Variants in STMND1 observed in about 807,000 individuals in gnomAD.
STMND1 encodes the protein stathmin domain-containing protein 1.
A neutral mutation model predicts 23.0 loss-of-function variants in STMND1; 17 were observed. That is an observed-to-expected ratio of 0.74 (90% CI 0.51 to 1.11). The LOEUF is 1.11. Among genes scored for constraint, STMND1 ranks in the 50% least tolerant of loss-of-function variants. The probability of loss-of-function intolerance (pLI) is 0.00; values close to 1 mark genes in which losing one functional copy is unlikely to be tolerated. For missense variants in STMND1, 305 were observed against 329.1 expected, an observed-to-expected ratio of 0.93 and a Z score of 0.57; for synonymous variants, 114 against 119.9, an observed-to-expected ratio of 0.95 and a Z score of 0.32.
At chr6:17,119,809 A>C (rs1761206361) in intron 2 of STMND1, among the ~76,000 whole-genome samples, 1 of 152,166 alleles carries the variant, frequency 6.6e-6, no homozygotes, top group African/African-American at 2.4e-5. Flanking sequence ...AAGATAGCTC[A>C]TTTCTCAGGA....
chr6:17,110,277 G>A (rs1361489038), intron 1 of STMND1, among the ~76,000 whole-genome samples: 4 of 152,168 alleles, frequency 2.6e-5, no homozygotes, highest in South Asian at 2.1e-4. Flanking sequence ...CTAGCTACTG[G>A]AGAGACCAAG....
intron 2 of STMND1, among the ~76,000 whole-genome samples, chr6:17,119,675 G>A (rs533782870): frequency 2.5e-4 from 37 of 150,568 alleles, no homozygotes; most frequent in African/African-American, 7.6e-4. Context: ...ACTCCAGCCC[G>A]AGTGACAAGA....
At chr6:17,122,481 G>A (rs1013673575) in intron 3 of STMND1, among the ~76,000 whole-genome samples, 1 of 152,104 alleles carries the variant, frequency 6.6e-6, no homozygotes. Flanking sequence ...CAGTCCATTC[G>A]GAATTAAAAA....
chr6:17,103,729 G>T (rs1055156662), intron 1 of STMND1, among the ~76,000 whole-genome samples: 3 of 151,808 alleles, frequency 2.0e-5, no homozygotes, highest in African/African-American at 2.4e-5. Context: ...GCGCCACCAC[G>T]CCCAGCTAAT....
At chr6:17,114,431 A>G (rs935033319) in intron 1 of STMND1, among the ~76,000 whole-genome samples, 1 of 151,820 alleles carries the variant, frequency 6.6e-6, no homozygotes, top group Admixed American at 6.6e-5. Context: ...TGCCTGGCTA[A>G]TTTTTTGTAT....
At chr6:17,113,598 T>C (rs1163898278) in intron 1 of STMND1, among the ~76,000 whole-genome samples, 1 of 152,088 alleles carries the variant, frequency 6.6e-6, no homozygotes, top group Non-Finnish European at 1.5e-5. Context: ...TTCTCTTTTA[T>C]ATTATGTAAT....
At position 17,115,059 on chromosome 6, in the gene STMND1, A is replaced by T. The variant is rs754340093; in HGVS notation, c.179A>T (p.Gln60Leu). Residue 60 changes from glutamine (Q) to leucine (L), a missense_variant, in exon 2 of 5, where the codon CAA becomes CTA. By Grantham distance (113) the Gln-to-Leu change is moderately radical. Transcript: ENST00000536551. ...NTVDIAEGLE[Q>L]VQMGSLPGTI... ...GTGGACATTGCAGAAGGCCTGGAAC[A>T]AGTCCAGATGGGAAGCTTACCTGGA... 2 of 1,536,080 alleles carry T rather than the reference A, an allele frequency of 1.3e-6. No homozygotes were observed. Among genetic ancestry groups the T allele is most frequent in the South Asian group, 2.4e-5 (2 of 84,056 alleles).
intron 3 of STMND1, among the ~76,000 whole-genome samples, chr6:17,123,563 G>C (rs1203718748): frequency 6.6e-6 from 1 of 152,118 alleles, no homozygotes; most frequent in East Asian, 1.9e-4. Context: ...TGGGCGTGTG[G>C]CCCTGCTTTC....
At chr6:17,129,915 G>C (rs1761365830) in intron 4 of STMND1, among the ~76,000 whole-genome samples, 1 of 152,062 alleles carries the variant, frequency 6.6e-6, no homozygotes. Flanking sequence ...TTAAATTTCT[G>C]GCCTCAAATG....
chr6:17,110,912 T>C, intron 1 of STMND1: 1 of 455,662 alleles, frequency 2.2e-6, no homozygotes, highest in Non-Finnish European at 4.4e-6. Context: ...AAGACCTTGA[T>C]AGCATCCATT....
intron 2 of STMND1, 49 bp from the exon 3 acceptor site, chr6:17,120,558 C>T: frequency 6.4e-6 from 9 of 1,407,372 alleles, no homozygotes; most frequent in Non-Finnish European, 8.4e-6. Flanking sequence ...TTGAAAAAAT[C>T]TTCATTCTTA....
At chr6:17,115,479 A>G (rs1430487103) in intron 2 of STMND1, among the ~76,000 whole-genome samples, 1 of 152,126 alleles carries the variant, frequency 6.6e-6, no homozygotes. Context: ...TCCCACGATG[A>G]TAACATCTTT....
intron 2 of STMND1, among the ~76,000 whole-genome samples, chr6:17,115,417 A>G (rs6914177): frequency 0.3 from 45,316 of 150,758 alleles, 7,034 homozygotes; most frequent in Middle Eastern, 0.35. Flanking sequence ...ATTATTGGGA[A>G]TTAAGGCCAG....
At chr6:17,130,533 T>C (rs1049138158) in intron 4 of STMND1, 61 bp from the exon 5 acceptor site, 8 of 1,295,150 alleles carry the variant, frequency 6.2e-6, no homozygotes, top group Non-Finnish European at 8.3e-6. Context: ...ACAAGCAACA[T>C]TAATCACAAC....
chr6:17,102,371 C>T, intron 1 of STMND1, 33 bp downstream of exon 1: 1 of 1,524,152 alleles, frequency 6.6e-7, no homozygotes, highest in Non-Finnish European at 8.8e-7. Flanking sequence ...AACAAACAAA[C>T]AGACAGAAAG....
intron 3 of STMND1, among the ~76,000 whole-genome samples, chr6:17,127,410 C>T (rs1246693841): frequency 5.3e-5 from 8 of 152,084 alleles, no homozygotes; most frequent in East Asian, 1.9e-4. Flanking sequence ...ATTAGCTGGG[C>T]GTGGTGGCAC....
chr6:17,126,416 T>C (rs780815717), intron 3 of STMND1, among the ~76,000 whole-genome samples: 2 of 152,038 alleles, frequency 1.3e-5, no homozygotes, highest in Non-Finnish European at 2.9e-5. Context: ...CGGGAAGAGG[T>C]GACCAAAACA....
At chr6:17,116,421 G>T (rs557579046) in intron 2 of STMND1, among the ~76,000 whole-genome samples, 18 of 151,988 alleles carry the variant, frequency 1.2e-4, no homozygotes, top group Non-Finnish European at 2.4e-4. Context: ...TTGTGTCTCT[G>T]CTCTTCAAAT....
chr6:17,108,963 C>A (rs1184026523), intron 1 of STMND1, among the ~76,000 whole-genome samples: 1 of 151,958 alleles, frequency 6.6e-6, no homozygotes, highest in African/African-American at 2.4e-5. Flanking sequence ...TCCCAATTTC[C>A]TTTTCTTTTG....
Sources: allele counts gnomAD v4.1 joint callset (sites outside exome capture counted in the v4.1 genomes callset), GRCh38; gene constraint gnomAD v4.1.1; transcripts MANE v1.5; gene names NCBI Gene and HGNC (gene_info 2026-07-23, HGNC 2026-07-21).